The following GALNT7 variants were observed in gnomAD, a reference collection of about 807,000 sequenced individuals.
GALNT7 encodes N-acetylgalactosaminyltransferase 7.
A neutral mutation model predicts 82.1 loss-of-function variants in GALNT7; 60 were observed. The observed-to-expected ratio is 0.73, with a 90% CI of 0.59 to 0.91. The LOEUF (loss-of-function observed/expected upper bound fraction) is 0.91. Ranked by LOEUF, GALNT7 falls within the 40% of genes least tolerant of loss-of-function variation. The pLI is 0.00. For synonymous variants in GALNT7, 243 were observed against 275.1 expected (o/e 0.88, Z 1.15); for missense variants, 660 against 804.2 (o/e 0.82, Z 2.17).
Position 173,318,431 on chromosome 4 carries a change from CT to C in GALNT7, c.1712del (p.Phe571SerfsTer16). ...TTAATTCTCTCTTTTCCTTTTACAG[CT>C]TTTCAGAATCAATGAAGCAAATCAA... ...GPCHRMGGNQ[L>X]FRINEANQLM... On this transcript the variant is annotated frameshift_variant and splice_region_variant, in exon 11 of 12. Transcript: ENST00000265000. LOFTEE classifies it high-confidence loss of function. 1 of 1,600,406 alleles carries C rather than the reference CT, an allele frequency of 6.2e-7. No homozygotes were observed. Among genetic ancestry groups the C allele is most frequent in the Non-Finnish European group, 8.5e-7 (1 of 1,174,426 alleles).
chr4:173,278,866 G>A (rs1736008675), intron 2 of GALNT7, among the ~76,000 whole-genome samples: 1 of 152,198 alleles, frequency 6.6e-6, no homozygotes, highest in Non-Finnish European at 1.5e-5. Context: ...GAGGGATAAT[G>A]AGGAATTTTA....
intron 9 of GALNT7, chr4:173,316,564 GGT>G (rs1185892299): frequency 1.3e-5 from 2 of 152,182 alleles, no homozygotes; most frequent in African/African-American, 4.8e-5. Context: ...TACTGGGGTA[GGT>G]GTCTTTATTT....
chr4:173,193,277 GT>G (rs1195792359), intron 1 of GALNT7, among the ~76,000 whole-genome samples: 1 of 152,104 alleles, frequency 6.6e-6, no homozygotes, highest in Admixed American at 6.5e-5. Context: ...GCTTAAATTG[GT>G]TTTGGTAACT....
chr4:173,295,622 G>T, intron 4 of GALNT7, 96 bp downstream of exon 4: 1 of 1,292,222 alleles, frequency 7.7e-7, no homozygotes, highest in South Asian at 1.2e-5. Context: ...TAATTGAAAT[G>T]AGAATGCTGG....
chr4:173,268,530 GTTTTTTTTTTTTTTTT>G (rs60894562), intron 2 of GALNT7, among the ~76,000 whole-genome samples: 1 of 52,336 alleles, frequency 1.9e-5, no homozygotes. Context: ...TTTCTCTCTC[GTTTTTTTTTTTTTTTT>G]TTTTTTTTTT....
intron 1 of GALNT7, among the ~76,000 whole-genome samples, chr4:173,242,965 T>C (rs1341984571): frequency 3.3e-5 from 5 of 152,230 alleles, no homozygotes; most frequent in Non-Finnish European, 7.4e-5. Context: ...TGGCTTGTTA[T>C]ACCTTTAAAT....
chr4:173,295,943 C>A, intron 5 of GALNT7, 100 bp downstream of exon 5: 1 of 756,806 alleles, frequency 1.3e-6, no homozygotes, highest in Non-Finnish European at 2.4e-6. Context: ...CCATTCAGTG[C>A]ATCGAGTGTG....
chr4:173,313,626 A>G (rs1177999099), intron 8 of GALNT7, among the ~76,000 whole-genome samples: 1 of 151,466 alleles, frequency 6.6e-6, no homozygotes, highest in Non-Finnish European at 1.5e-5. Context: ...AAAGAAGTAC[A>G]GTGTCCAGCC....
In GALNT7 at chr4:173,286,461, T is replaced by A. The variant is rs559020063; in HGVS notation, c.588-5647T>A. Reference sequence around the variant, plus strand: ...CAGTGGCCTCTGGCACCAACAAAGCTGCCATTGTAACTGCTTAGAGGCAGG... The same window carrying A: ...CAGTGGCCTCTGGCACCAACAAAGCAGCCATTGTAACTGCTTAGAGGCAGG... On this transcript the variant is annotated intron_variant, in intron 2 of 11. Coordinates refer to ENST00000265000, the MANE Select transcript of GALNT7 (RefSeq NM_017423.3). Among the ~76,000 whole-genome samples, 296 of 152,348 alleles carry A rather than the reference T, an allele frequency of 1.9e-3. 2 individuals carry two copies. The highest frequency in any genetic ancestry group is 6.9e-3 in the African/African-American group (288 of 41,582).
intron 9 of GALNT7, among the ~76,000 whole-genome samples, chr4:173,314,801 C>T (rs1289671028): frequency 6.6e-6 from 1 of 152,232 alleles, no homozygotes; most frequent in Non-Finnish European, 1.5e-5. Context: ...CTTCTGATTG[C>T]TCCCTGCAGC....
At chr4:173,307,710 A>T (rs563322151) in intron 8 of GALNT7, among the ~76,000 whole-genome samples, 1 of 152,290 alleles carries the variant, frequency 6.6e-6, no homozygotes, top group East Asian at 1.9e-4. Flanking sequence ...TGGAGCATGA[A>T]CGAACTATAG....
chr4:173,295,563 G>A (rs749241193), intron 4 of GALNT7, 37 bp downstream of exon 4: 1 of 1,594,492 alleles, frequency 6.3e-7, no homozygotes, highest in Non-Finnish European at 8.6e-7. Context: ...TCAACATTTT[G>A]GGTTTGGTAA....
At chr4:173,308,559 C>G (rs1737244365) in intron 8 of GALNT7, among the ~76,000 whole-genome samples, 1 of 152,026 alleles carries the variant, frequency 6.6e-6, no homozygotes, top group Admixed American at 6.6e-5. Context: ...ATGTGAATAT[C>G]CTTTGTCCTG....
rs7672108 is a variant in GALNT7 at position 173,243,975 on chromosome 4, C to G, written c.127-4005C>G. ...TGAGTATTTATTGAGGAATTATGTG[C>G]CAGGATAAGCACTGGGCATGCAGTG... On this transcript the variant is annotated intron_variant, in intron 1 of 11. Coordinates refer to ENST00000265000, the MANE Select transcript of GALNT7 (RefSeq NM_017423.3). Among the ~76,000 whole-genome samples the G allele has an allele frequency of 5.3e-4, 80 of 152,076 alleles. No homozygotes were observed. In the East Asian group the frequency reaches 0.011, roughly 21 times the overall value.
chr4:173,257,884 G>T (rs72999528), intron 2 of GALNT7, among the ~76,000 whole-genome samples: 8,345 of 152,272 alleles, frequency 0.055, 683 homozygotes, highest in African/African-American at 0.18. Context: ...TTAAAGGAAA[G>T]TGTTGTAGTC....
chr4:173,236,660 C>A (rs1734241246), intron 1 of GALNT7, among the ~76,000 whole-genome samples: 5 of 152,170 alleles, frequency 3.3e-5, no homozygotes. Context: ...TGATTTTGTG[C>A]CTTTTCCTCA....
intron 2 of GALNT7, among the ~76,000 whole-genome samples, chr4:173,279,168 A>G (rs1736018877): frequency 6.6e-6 from 1 of 152,194 alleles, no homozygotes; most frequent in Non-Finnish European, 1.5e-5. Flanking sequence ...TGCAGGCTGT[A>G]CAAGCATGGC....
intron 1 of GALNT7, among the ~76,000 whole-genome samples, chr4:173,178,422 C>T (rs1218540735): frequency 6.6e-6 from 1 of 152,106 alleles, no homozygotes; most frequent in Non-Finnish European, 1.5e-5. Flanking sequence ...ATCCTGAAAG[C>T]AACACTGAGA....
At chr4:173,246,915 C>G (rs1734656423) in intron 1 of GALNT7, among the ~76,000 whole-genome samples, 1 of 152,102 alleles carries the variant, frequency 6.6e-6, no homozygotes, top group South Asian at 2.1e-4. Context: ...ATTCTGTATG[C>G]ACCTTGCCTC....
Sources: gnomAD v4.1 joint callset for allele counts (sites outside exome capture counted in the v4.1 genomes callset) on GRCh38, gnomAD v4.1.1 for gene constraint, MANE v1.5 for transcripts, NCBI Gene and HGNC (gene_info 2026-07-23, HGNC 2026-07-21) for gene names.